Variants in KRT71 observed in about 807,000 individuals in gnomAD.
KRT71 encodes keratin 71.
A neutral mutation model predicts 46.2 loss-of-function variants in KRT71; 42 were observed. The observed-to-expected ratio is 0.91, with a 90% CI of 0.71 to 1.18. The LOEUF is 1.18. Ranked by LOEUF, KRT71 falls within the 50% of genes most tolerant of loss-of-function variation. KRT71 has a pLI of 0.00. For missense variants in KRT71, 708 were observed against 677.9 expected (o/e 1.04, Z -0.49); for synonymous variants, 292 against 277.8 (o/e 1.05, Z -0.51).
chr12:52,544,277 G>T lies in KRT71; in HGVS notation c.*255C>A, dbSNP rs141575004. Reference sequence around the variant, plus strand: ...AAAGCTGGCAGCCAGGACCTGGGCTGGTGGTGTAGCTGGGGGACCACAGCC... The same window carrying T: ...AAAGCTGGCAGCCAGGACCTGGGCTTGTGGTGTAGCTGGGGGACCACAGCC... On this transcript the variant is annotated 3_prime_UTR_variant, in exon 9 of 9. Coordinates refer to ENST00000267119, the MANE Select transcript of KRT71 (RefSeq NM_033448.3). 1,228 of 560,852 alleles carry T rather than the reference G, an allele frequency of 2.2e-3. 11 individuals are homozygous for T. Among genetic ancestry groups the T allele is most frequent in the African/African-American group, 0.02 (1,076 of 53,370 alleles). The allele number at this position is 560,852 out of a possible 1,614,324, so 34.7% of individuals were successfully genotyped here. A position where few individuals can be genotyped will look rare whatever the true frequency, so the allele number is the denominator to read the frequency against.
At chr12:52,547,710 T>C (rs1273469918) in intron 6 of KRT71, 147 bp downstream of exon 6, 13 of 969,144 alleles carry the variant, frequency 1.3e-5, no homozygotes, top group Non-Finnish European at 1.8e-5. Flanking sequence ...AGGGACGTCC[T>C]GCTCCAGGTG....
intron 4 of KRT71, among the ~76,000 whole-genome samples, 160 bp downstream of exon 4, chr12:52,548,541 A>G (rs1196693895): frequency 3.3e-5 from 5 of 152,138 alleles, no homozygotes; most frequent in Admixed American, 3.3e-4. Flanking sequence ...TCCCACTCAG[A>G]GTGTGCAGAC....
At position 52,544,525 on chromosome 12, in the gene KRT71, G is replaced by A. The variant is rs749494864; in HGVS notation, c.*7C>T. The A allele has an allele frequency of 6.8e-6, 11 of 1,613,264 alleles. No individual in the cohort carries two copies. Among genetic ancestry groups the A allele is most frequent in the South Asian group, 1.1e-5 (1 of 91,064 alleles). On this transcript the variant is annotated 3_prime_UTR_variant, in exon 9 of 9. Coordinates refer to ENST00000267119, the MANE Select transcript of KRT71 (RefSeq NM_033448.3). Reference sequence around the variant, plus strand: ...ATGGAATGAGGCGGGGCCCGGGGCAGTCTTCTCTACCGACTGGTTTTCTTG... The same window carrying A: ...ATGGAATGAGGCGGGGCCCGGGGCAATCTTCTCTACCGACTGGTTTTCTTG...
chr12:52,551,892 C>T (rs1292910539), intron 1 of KRT71, among the ~76,000 whole-genome samples: 2 of 152,176 alleles, frequency 1.3e-5, no homozygotes, highest in Non-Finnish European at 2.9e-5. Context: ...GAGCTTCCCT[C>T]CCCCACATTC....
intron 6 of KRT71, among the ~76,000 whole-genome samples, chr12:52,546,908 C>T (rs979556528): frequency 1.3e-5 from 2 of 152,192 alleles, no homozygotes; most frequent in African/African-American, 2.4e-5. Context: ...GCACCACAGT[C>T]GAGGGGGACA....
rs1425527836 is a variant in KRT71 at position 52,548,256 on chromosome 12, T to G, written c.874A>C (p.Asn292His). Residue 292 changes from asparagine to histidine, a missense_variant, in exon 5 of 9, where the codon AAC (asparagine) becomes CAC (histidine). Physicochemically the swap from Asn to His is moderately conservative, Grantham distance 68. Coordinates refer to ENST00000267119, the MANE Select transcript of KRT71 (RefSeq NM_033448.3). ...DMSVILSMDN[N>H]RNLDLDSIID... ...ATGCTGTCCAGGTCTAGGTTCCGGT[T>G]GTTGTCCATGGACAGGATGACAGAC... 6.2e-7 allele frequency: 1 copy of G among 1,614,188 alleles called. No homozygotes were observed. The highest frequency in any genetic ancestry group is 8.5e-7 in the Non-Finnish European group (1 of 1,180,010).
At position 52,550,077 on chromosome 12, in the gene KRT71, T is replaced by A. The variant is rs763992766; in HGVS notation, c.608A>T (p.Asp203Val). 6.8e-6 allele frequency: 11 copies of A among 1,614,032 alleles called. No homozygotes were observed. The highest frequency in any genetic ancestry group is 8.5e-6 in the Non-Finnish European group (10 of 1,180,022). ...GTCCCGCACATTCCTCAGCTCCGAG[T>A]CCAGCCTCACCCTGTCCCCAGACAG... Reference protein sequence around the residue: ...ETLSGDRVRLDSELRNVRDVV... With the variant: ...ETLSGDRVRLVSELRNVRDVV... Residue 203 changes from aspartate (D) to valine (V), a missense_variant, in exon 2 of 9, where the codon GAC becomes GTC. By Grantham distance (152) the Asp-to-Val change is radical (BLOSUM62 -3). Transcript: ENST00000267119.
At position 52,549,314 on chromosome 12, in the gene KRT71, G is replaced by C. The variant is rs147275737; in HGVS notation, c.696C>G (p.Asn232Lys). Reference sequence around the variant, plus strand: ...TCACCTTCTTGAGCAGCACAAACTCGTTCTCTGCTGCTGTCCGCTTGTTGA... The same window carrying C: ...TCACCTTCTTGAGCAGCACAAACTCCTTCTCTGCTGCTGTCCGCTTGTTGA... The part of the protein sequence containing the change: ...EEINKRTAAE[N>K]EFVLLKKDVD... The change falls in exon 3 of 9, where the codon AAC (asparagine) becomes AAG (lysine). Residue 232 changes from asparagine to lysine, a missense_variant. Asn to Lys is a moderately conservative substitution (Grantham distance 94). Coordinates refer to ENST00000267119, the MANE Select transcript of KRT71 (RefSeq NM_033448.3). 2 of 1,613,810 alleles carry C rather than the reference G, an allele frequency of 1.2e-6. No homozygotes were observed. The highest frequency in any genetic ancestry group is 2.7e-5 in the African/African-American group (2 of 75,008).
chr12:52,548,583 G>A, intron 4 of KRT71, 118 bp downstream of exon 4: 5 of 917,150 alleles, frequency 5.5e-6, no homozygotes, highest in Non-Finnish European at 8.6e-6. Context: ...TGCGGGAGAT[G>A]GTTGGCTAAC....
intron 8 of KRT71, among the ~76,000 whole-genome samples, chr12:52,545,089 G>A (rs762900450): frequency 1.1e-4 from 17 of 152,224 alleles, no homozygotes; most frequent in Non-Finnish European, 2.4e-4. Flanking sequence ...CCTGCTAGCT[G>A]TCCCACAGCA....
chr12:52,544,835 C>T (rs1939033197), intron 8 of KRT71, 92 bp from the exon 9 acceptor site: 3 of 1,110,034 alleles, frequency 2.7e-6, no homozygotes, highest in African/African-American at 3.0e-5. Context: ...CTTGGAGAAG[C>T]TGAGTGGGGA....
chr12:52,551,866 C>G (rs1939176439), intron 1 of KRT71, among the ~76,000 whole-genome samples: 1 of 152,200 alleles, frequency 6.6e-6, no homozygotes, highest in South Asian at 2.1e-4. Context: ...CTCTAGACAC[C>G]TTTGATTCCT....
At position 52,544,721 on chromosome 12, in the gene KRT71, G is replaced by T; in HGVS notation, c.1383C>A (p.Gly461=). 6.2e-7 allele frequency: 1 copy of T among 1,612,150 alleles called. No homozygotes were observed. The change falls in exon 9 of 9, where the codon GGC becomes GGA. Residue 461 remains glycine, a synonymous_variant. Coordinates refer to ENST00000267119, the MANE Select transcript of KRT71 (RefSeq NM_033448.3). ...TGGGCCGGAAGCCATAGACACTGCC[G>T]CCACTGGTGCTGCTGATGATGGCTG... ...VSISIISSTS[G]GSVYGFRPSM... is the part of the protein sequence containing the mutation.
chr12:52,544,542 G>C lies in KRT71; in HGVS notation c.1562C>G (p.Thr521Ser), dbSNP rs1397134948. ...CCGGGGCAGTCTTCTCTACCGACTG[G>C]TTTTCTTGGAGGGTGCACTCAGGCT... ...GSSLSAPSKK[T>S]SR The change falls in exon 9 of 9, where the codon ACC becomes AGC. Residue 521 changes from threonine (T) to serine (S), a missense_variant. Coordinates refer to ENST00000267119, the MANE Select transcript of KRT71 (RefSeq NM_033448.3). The C allele has an allele frequency of 1.2e-6, 2 of 1,613,956 alleles. No homozygotes were observed. The highest frequency in any genetic ancestry group is 1.7e-6 in the Non-Finnish European group (2 of 1,179,960).
At chr12:52,551,601 C>A (rs1015827367) in intron 1 of KRT71, among the ~76,000 whole-genome samples, 2 of 152,334 alleles carry the variant, frequency 1.3e-5, no homozygotes, top group Admixed American at 1.3e-4. Context: ...GCCACATGAC[C>A]GTCTCACCCA....
intron 6 of KRT71, among the ~76,000 whole-genome samples, chr12:52,546,935 G>A (rs776745990): frequency 4.0e-4 from 61 of 152,180 alleles, no homozygotes; most frequent in Non-Finnish European, 6.9e-4. Context: ...GACACACCCC[G>A]GGAGCAACCG....
At chr12:52,550,820 T>C (rs1387836130) in intron 1 of KRT71, among the ~76,000 whole-genome samples, 5 of 152,228 alleles carry the variant, frequency 3.3e-5, no homozygotes, top group Non-Finnish European at 7.3e-5. Flanking sequence ...CCTGATCCCA[T>C]TGTAGCCCCT....
intron 6 of KRT71, 149 bp from the exon 7 acceptor site, chr12:52,546,655 G>C: frequency 1.3e-6 from 1 of 763,962 alleles, no homozygotes; most frequent in East Asian, 2.7e-5. Context: ...GCCCCTTCTG[G>C]GGCTGGCACC....
In KRT71 at chr12:52,548,156, G is replaced by T. The variant is rs768253592; in HGVS notation, c.974C>A (p.Thr325Asn). The T allele has an allele frequency of 3.1e-6, 5 of 1,612,996 alleles. No homozygotes were observed. In the East Asian group the frequency reaches 8.9e-5, roughly 29 times the overall value. ...CCCCACCTCAGCCCAGCTCACCTTG[G>T]TCTGGTACAGGGCCTCAGCCTCGGC... ...SKAEAEALYQ[T>N]KFQELQLAAG... Residue 325 changes from threonine to asparagine, a missense_variant, in exon 5 of 9, where the codon ACC (threonine) becomes AAC (asparagine). By Grantham distance (65) the Thr-to-Asn change is moderately conservative. Coordinates refer to ENST00000267119, the MANE Select transcript of KRT71 (RefSeq NM_033448.3).
Sources: gnomAD v4.1 joint callset for allele counts (sites outside exome capture counted in the v4.1 genomes callset) on GRCh38, gnomAD v4.1.1 for gene constraint, MANE v1.5 for transcripts, NCBI Gene and HGNC (gene_info 2026-07-23, HGNC 2026-07-21) for gene names.